BAZ2A: variants seen among roughly 807,000 people sequenced by gnomAD.
BAZ2A encodes bromodomain adjacent to zinc finger domain protein 2A.
Under a neutral mutation model 199.9 loss-of-function variants are expected in BAZ2A, and 34 were observed. The ratio of observed to expected loss-of-function variants is 0.17; its 90% CI spans 0.13 to 0.23. The LOEUF (loss-of-function observed/expected upper bound fraction) is 0.23, where lower values mean the gene tolerates loss of function less well. BAZ2A is among the 10% of genes least tolerant of loss of function. The probability of loss-of-function intolerance (pLI) is 1.00; values close to 1 mark genes in which losing one functional copy is unlikely to be tolerated. For synonymous variants in BAZ2A, 857 were observed against 883.9 expected (o/e 0.97, Z 0.54); for missense variants, 2,002 against 2,391.1 (o/e 0.84, Z 3.39).
At chr12:56,632,383 G>C (rs1326497730), upstream of BAZ2A, among the ~76,000 whole-genome samples, 3 of 152,176 alleles carry the variant, frequency 2.0e-5, no homozygotes, top group Non-Finnish European at 4.4e-5. Flanking sequence ...AGATGAGGGA[G>C]AATCTTCCTA....
At chr12:56,619,859 G>GTT (rs1950855197) in intron 1 of BAZ2A, among the ~76,000 whole-genome samples, 1 of 152,044 alleles carries the variant, frequency 6.6e-6, no homozygotes, top group Non-Finnish European at 1.5e-5. Context: ...AAATAAAAAA[G>GTT]TTAGCTGAGC....
chr12:56,615,483 G>A lies in BAZ2A; in HGVS notation c.261C>T (p.Tyr87=), dbSNP rs541879923. ...TSHLHHPSVA[Y]DCLWNYSQYP... is the part of the protein sequence containing the mutation. ...ACTGTGAGTAGTTCCAGAGACAGTC[G>A]TAGGCCACGCTGGGGTGATGGAGGT... The change falls in exon 3 of 29, where the codon TAC becomes TAT. Residue 87 remains tyrosine (Y), a synonymous_variant. Transcript: ENST00000549884. The A allele has an allele frequency of 4.0e-5, 64 of 1,613,506 alleles. No individual in the cohort carries two copies. Among genetic ancestry groups the A allele is most frequent in the Middle Eastern group, 3.3e-4 (2 of 6,062 alleles).
rs769573729 is a variant in BAZ2A, at chr12:56,604,265, A to G, written c.2990T>C (p.Met997Thr). 1.9e-5 allele frequency: 31 copies of G among 1,608,898 alleles called. No homozygotes were observed. The highest frequency in any genetic ancestry group is 2.5e-5 in the Non-Finnish European group (30 of 1,177,474). Reference sequence around the variant, plus strand: ...CCACTTGTTTTTCCTGTAGCTGGACATACTCTCCAGAGTCTTGTCAATCTC... The same window carrying G: ...CCACTTGTTTTTCCTGTAGCTGGACGTACTCTCCAGAGTCTTGTCAATCTC... ...INEIDKTLESMSSYRKNKWIV... is the reference protein window; with the variant it reads ...INEIDKTLESTSSYRKNKWIV... Residue 997 changes from methionine (M) to threonine (T), a missense_variant, in exon 16 of 29, where the codon ATG becomes ACG. Physicochemically the swap from Met to Thr is moderately conservative, Grantham distance 81. Transcript: ENST00000549884.
chr12:56,600,720 C>G lies in BAZ2A; in HGVS notation c.4563G>C (p.Glu1521Asp). ...TDLAVLQWVE[E>D]LEQRVIMSDL... is the part of the protein sequence containing the mutation. ...CAGACATGATAACCCGCTGCTCCAG[C>G]TCCTCTACCCATTGAAGCACTGCTA... Residue 1521 changes from glutamate (E) to aspartate (D), a missense_variant, in exon 23 of 29, where the codon GAG becomes GAC. Physicochemically the swap from Glu to Asp is conservative, Grantham distance 45. Coordinates refer to ENST00000549884, the MANE Select transcript of BAZ2A (RefSeq NM_001300905.2). 6.2e-7 allele frequency: 1 copy of G among 1,613,624 alleles called. No individual in the cohort carries two copies. The highest frequency in any genetic ancestry group is 8.5e-7 in the Non-Finnish European group (1 of 1,179,872).
chr12:56,606,734 CTG>C lies in BAZ2A; in HGVS notation c.2093-3_2093-2del. Reference sequence around the variant, plus strand: ...GCTTTATCCTCCTCATTCAATGTTTCTGTGAGAGCAGAAAGAAAAATGAAACA... The same window carrying C: ...GCTTTATCCTCCTCATTCAATGTTTCTGAGAGCAGAAAGAAAAATGAAACA... On this transcript the variant is annotated splice_acceptor_variant and splice_polypyrimidine_tract_variant and intron_variant, in intron 10 of 28. Transcript: ENST00000549884. LOFTEE classifies it high-confidence loss of function. 1.9e-6 allele frequency: 3 copies of C among 1,612,868 alleles called. No homozygotes were observed. Among genetic ancestry groups the C allele is most frequent in the Non-Finnish European group, 2.5e-6 (3 of 1,179,040 alleles).
intron 10 of BAZ2A, 69 bp from the exon 11 acceptor site, chr12:56,606,802 C>A: frequency 7.8e-7 from 1 of 1,285,294 alleles, no homozygotes; most frequent in Non-Finnish European, 1.1e-6. Context: ...CAGGGCAACA[C>A]ATGCCCGTCT....
intron 8 of BAZ2A, 57 bp from the exon 9 acceptor site, chr12:56,610,272 C>G: frequency 6.3e-7 from 1 of 1,595,064 alleles, no homozygotes. Context: ...TGTCTTTGGC[C>G]AGCAAAGGCA....
chr12:56,630,122 AAC>A lies in BAZ2A; in HGVS notation c.-3+1_-3+2del. Reference sequence around the variant, plus strand: ...CAGGCCCCTGGCCACAGACCCCACAAACCTGAGGCAGCGGCGTCCAGCCGGGC... The same window carrying A: ...CAGGCCCCTGGCCACAGACCCCACAACTGAGGCAGCGGCGTCCAGCCGGGC... On this transcript the variant is annotated splice_donor_variant, in intron 1 of 28. Coordinates refer to ENST00000549884, the MANE Select transcript of BAZ2A (RefSeq NM_001300905.2). LOFTEE classifies it low-confidence loss of function (5UTR_SPLICE). The A allele has an allele frequency of 1.0e-6, 1 of 984,194 alleles. No homozygotes were observed. The highest frequency in any genetic ancestry group is 1.2e-6 in the Non-Finnish European group (1 of 828,844). 61.0% of individuals were successfully genotyped at this position (984,194 alleles called of 1,614,324 possible).
Position 56,630,251 on chromosome 12 carries a change from G to T in BAZ2A, c.-129C>A. The T allele has an allele frequency of 1.0e-6, 1 of 983,546 alleles. No individual in the cohort carries two copies. The highest frequency in any genetic ancestry group is 1.2e-6 in the Non-Finnish European group (1 of 828,132). The allele number at this position is 983,546 out of a possible 1,614,324, so 60.9% of individuals were successfully genotyped here. A position where few individuals can be genotyped will look rare whatever the true frequency, so the allele number is the denominator to read the frequency against. ...GCTGGGGAGGGGGTCTGGGGTCCGG[G>T]GTTCGGGAAGGGGGAGGGGGACGCG... On this transcript the variant is annotated 5_prime_UTR_variant, in exon 1 of 29. Transcript: ENST00000549884.
intron 6 of BAZ2A, 54 bp downstream of exon 6, chr12:56,611,719 G>A (rs892015530): frequency 4.3e-5 from 65 of 1,523,074 alleles, no homozygotes; most frequent in African/African-American, 1.1e-4. Context: ...TACAACATGG[G>A]ACAGAAAAGT....
chr12:56,601,134 G>A lies in BAZ2A; in HGVS notation c.4295-36C>T, dbSNP rs181824538. 19 of 1,613,926 alleles carry A rather than the reference G, an allele frequency of 1.2e-5. No individual in the cohort carries two copies. The African/African-American group carries it at 2.3e-4, about 19-fold the overall frequency. On this transcript the variant is annotated intron_variant, in intron 21 of 28. Transcript: ENST00000549884. ...ATGAGATATATGTGGGGCGCCAGCT[G>A]TGAAGCACTGCCCACACCGGATGCC...
In BAZ2A at chr12:56,604,756, G is replaced by A; in HGVS notation, c.2792C>T (p.Thr931Ile). The change falls in exon 15 of 29, where the codon ACA (threonine) becomes ATA (isoleucine). Residue 931 changes from threonine to isoleucine, a missense_variant. Thr to Ile is a moderately conservative substitution (Grantham distance 89). Transcript: ENST00000549884. ...LGEKVSEIPL[T>I]RDNVSEILRC... ...CAGGATCTCTGACACATTGTCTCTT[G>A]TCAGTGGGATCTCAGACACCTTCTC... 1.2e-6 allele frequency: 2 copies of A among 1,613,916 alleles called. No individual in the cohort carries two copies. The highest frequency in any genetic ancestry group is 1.7e-6 in the Non-Finnish European group (2 of 1,179,892).
intron 22 of BAZ2A, 54 bp from the exon 23 acceptor site, chr12:56,600,886 C>T (rs545826226): frequency 1.2e-6 from 2 of 1,610,972 alleles, no homozygotes; most frequent in Non-Finnish European, 1.7e-6. Context: ...TCCCTAGCAG[C>T]AGCTCAATGC....
chr12:56,616,382 C>T (rs969343983), intron 2 of BAZ2A, among the ~76,000 whole-genome samples: 1 of 152,180 alleles, frequency 6.6e-6, no homozygotes, highest in Non-Finnish European at 1.5e-5. Context: ...ACAACCTCCA[C>T]CTCACTGGCA....
At chr12:56,626,504 A>G (rs926209429) in intron 1 of BAZ2A, among the ~76,000 whole-genome samples, 1 of 152,218 alleles carries the variant, frequency 6.6e-6, no homozygotes, top group Non-Finnish European at 1.5e-5. Flanking sequence ...AGACTACAAG[A>G]TGAACCCTTC....
chr12:56,609,636 G>A (rs920825866), intron 10 of BAZ2A, 100 bp downstream of exon 10: 1 of 1,245,210 alleles, frequency 8.0e-7, no homozygotes, highest in African/African-American at 1.5e-5. Flanking sequence ...CCCAGATAAT[G>A]TTAGTTACAC....
At chr12:56,607,561 C>T (rs893001942) in intron 10 of BAZ2A, among the ~76,000 whole-genome samples, 2 of 152,090 alleles carry the variant, frequency 1.3e-5, no homozygotes, top group Non-Finnish European at 2.9e-5. Flanking sequence ...TTAGTACAAG[C>T]GGAGTTTCAC....
intron 3 of BAZ2A, 168 bp downstream of exon 3, chr12:56,614,846 G>A (rs998702084): frequency 4.1e-6 from 3 of 723,406 alleles, no homozygotes; most frequent in Non-Finnish European, 6.8e-6. Context: ...TGGTGCTGCT[G>A]CCACAAAAAC....
chr12:56,611,463 T>C (rs1950555360), intron 7 of BAZ2A, 110 bp downstream of exon 7: 12 of 1,088,148 alleles, frequency 1.1e-5, no homozygotes, highest in Non-Finnish European at 1.7e-5. Flanking sequence ...AATCTACTCT[T>C]GTCTGGCCCA....
Sources: gnomAD v4.1 joint callset for allele counts (sites outside exome capture counted in the v4.1 genomes callset) on GRCh38, gnomAD v4.1.1 for gene constraint, MANE v1.5 for transcripts, NCBI Gene and HGNC (gene_info 2026-07-23, HGNC 2026-07-21) for gene names.